The following MAML1 variants were observed in gnomAD, a reference collection of about 807,000 sequenced individuals.
The protein encoded by MAML1 is mastermind-like protein 1.
A neutral mutation model predicts 77.1 loss-of-function variants in MAML1; 14 were observed. The ratio of observed to expected loss-of-function variants is 0.18; its 90% CI spans 0.12 to 0.28. MAML1 has a LOEUF of 0.28. Ranked by LOEUF, MAML1 falls within the 10% of genes least tolerant of loss-of-function variation. The pLI, the probability that MAML1 is intolerant of heterozygous loss-of-function variation, is 1.00. For missense variants in MAML1, 1,217 were observed against 1,327.8 expected (o/e 0.92, Z 1.30); for synonymous variants, 516 against 551.9 (o/e 0.93, Z 0.91).
rs1219317360 is a variant in MAML1, at chr5:179,769,154, C to T, written c.1971+65C>T. On this transcript the variant is annotated intron_variant, in intron 3 of 4. Transcript: ENST00000292599. This position sits in a 1 kb window ranked among gnomAD's most constrained non-coding sequence, Gnocchi z 4.2. ...TTGCCTGCACCCTGCGTCACTGCTA[C>T]AGTCACACCTTCTGCTTGTGCGTGT... 18 of 1,592,352 alleles carry T rather than the reference C, an allele frequency of 1.1e-5. No homozygotes were observed. The East Asian group carries it at 4.0e-4, about 36-fold the overall frequency.
intron 1 of MAML1, among the ~76,000 whole-genome samples, chr5:179,744,913 T>C (rs1418085151): frequency 6.6e-6 from 1 of 151,962 alleles, no homozygotes; most frequent in Non-Finnish European, 1.5e-5. Flanking sequence ...TTTTTTTTTT[T>C]TTTCTTGAGA....
chr5:179,767,069 G>A (rs1232019654), intron 2 of MAML1, among the ~76,000 whole-genome samples: 4 of 138,120 alleles, frequency 2.9e-5, no homozygotes, highest in East Asian at 2.1e-4. Context: ...TAAACATTAC[G>A]TTTCACGTGC....
At position 179,775,658 on chromosome 5, in the gene MAML1, T is replaced by C. The variant is rs1297115444; in HGVS notation, c.*781T>C. 12 of 985,370 alleles carry C rather than the reference T, an allele frequency of 1.2e-5. No homozygotes were observed. The highest frequency in any genetic ancestry group is 1.4e-5 in the Non-Finnish European group (12 of 829,922). 61.0% of individuals were successfully genotyped at this position (985,370 alleles called of 1,614,324 possible). ...CCTGGCAGCAGGACCCCAGGCTACA[T>C]ATGGAAGGTAGAGATGTGGGGGTCC... is the stretch of plus-strand genomic sequence containing the variant. On this transcript the variant is annotated 3_prime_UTR_variant, in exon 5 of 5. Coordinates refer to ENST00000292599, the MANE Select transcript of MAML1 (RefSeq NM_014757.5).
At chr5:179,746,236 C>T (rs1311786930) in intron 1 of MAML1, among the ~76,000 whole-genome samples, 4 of 151,714 alleles carry the variant, frequency 2.6e-5, no homozygotes, top group East Asian at 2.0e-4. Context: ...ATCCCAGCAA[C>T]TTGGGAGGCT....
At chr5:179,750,633 GT>G (rs1370848844) in intron 1 of MAML1, among the ~76,000 whole-genome samples, 1 of 151,984 alleles carries the variant, frequency 6.6e-6, no homozygotes, top group African/African-American at 2.4e-5. Context: ...GCTAATTATT[GT>G]ATTTTTTGTA....
chr5:179,756,746 A>T (rs1041119117), intron 1 of MAML1, among the ~76,000 whole-genome samples: 1 of 152,214 alleles, frequency 6.6e-6, no homozygotes, highest in Non-Finnish European at 1.5e-5. Context: ...TATTTCTGTC[A>T]TCTAGGATAA....
At chr5:179,747,142 C>A (rs1779397744) in intron 1 of MAML1, among the ~76,000 whole-genome samples, 1 of 152,204 alleles carries the variant, frequency 6.6e-6, no homozygotes, top group Non-Finnish European at 1.5e-5. Flanking sequence ...CAGATGTGTG[C>A]CAATGCACCT....
At chr5:179,733,469 C>A in intron 1 of MAML1, 42 bp downstream of exon 1, 1 of 1,085,768 alleles carries the variant, frequency 9.2e-7, no homozygotes, top group Non-Finnish European at 1.1e-6. Context: ...GCGGCAGCCC[C>A]CTCTCCCGAA....
chr5:179,750,373 G>A (rs889672454), intron 1 of MAML1, among the ~76,000 whole-genome samples: 1 of 150,472 alleles, frequency 6.6e-6, no homozygotes, highest in Admixed American at 6.6e-5. Flanking sequence ...CTAGAATATA[G>A]GCTCTAGGAG....
At chr5:179,743,364 C>CTTTTTT (rs1187480234) in intron 1 of MAML1, among the ~76,000 whole-genome samples, 2 of 91,768 alleles carry the variant, frequency 2.2e-5, no homozygotes, top group Non-Finnish European at 4.2e-5. Context: ...CTGCCCCACG[C>CTTTTTT]TTTTTTTTTT....
rs1756151869 is a variant in MAML1, at chr5:179,777,154, CA to C, written c.*2281del. ...GGTATTGTTAACTTTTTATTGTCAT[CA>C]AAAGTTCATAAAAGTCCTATTAATC... On this transcript the variant is annotated 3_prime_UTR_variant, in exon 5 of 5. Transcript: ENST00000292599. 1.0e-6 allele frequency: 1 copy of C among 984,970 alleles called. No individual in the cohort carries two copies. The highest frequency in any genetic ancestry group is 1.2e-6 in the Non-Finnish European group (1 of 829,254). The allele number at this position is 984,970 out of a possible 1,614,324, so 61.0% of individuals were successfully genotyped here.
At chr5:179,749,877 C>T (rs1395232248) in intron 1 of MAML1, among the ~76,000 whole-genome samples, 1 of 152,208 alleles carries the variant, frequency 6.6e-6, no homozygotes, top group Non-Finnish European at 1.5e-5. Flanking sequence ...TGTATTTCCA[C>T]TGCAGGTCCA....
At chr5:179,739,347 A>G (rs779620312) in intron 1 of MAML1, among the ~76,000 whole-genome samples, 1 of 151,918 alleles carries the variant, frequency 6.6e-6, no homozygotes, top group African/African-American at 2.4e-5. Context: ...ACAAGACTCC[A>G]TCTCTCAAAT....
intron 1 of MAML1, among the ~76,000 whole-genome samples, chr5:179,761,772 A>G (rs966887031): frequency 1.3e-5 from 2 of 152,142 alleles, no homozygotes; most frequent in Non-Finnish European, 2.9e-5. Context: ...AGAGAGGGAA[A>G]GGAAGGACTG....
chr5:179,755,755 G>A (rs1779600271), intron 1 of MAML1, among the ~76,000 whole-genome samples: 2 of 138,256 alleles, frequency 1.4e-5, no homozygotes, highest in Admixed American at 7.2e-5. Flanking sequence ...TATTTTATTT[G>A]TGGCCCAAGA....
At chr5:179,763,892 G>A (rs1448242132) in intron 1 of MAML1, among the ~76,000 whole-genome samples, 1 of 149,670 alleles carries the variant, frequency 6.7e-6, no homozygotes, top group African/African-American at 2.5e-5. Context: ...GGGTTTATGG[G>A]AAGGGGGGAT....
intron 1 of MAML1, among the ~76,000 whole-genome samples, chr5:179,762,068 C>T (rs554172972): frequency 8.7e-4 from 132 of 152,290 alleles, no homozygotes; most frequent in Admixed American, 3.5e-3. Context: ...GTAAGGAGCA[C>T]TCATGAAAGA....
In MAML1 at chr5:179,740,638, T is replaced by G. The variant is rs1779264022; in HGVS notation, c.315+7211T>G. Among the ~76,000 whole-genome samples, 2 of 151,934 alleles carry G rather than the reference T, an allele frequency of 1.3e-5. 1 individual carries two copies. Among genetic ancestry groups the G allele is most frequent in the South Asian group, 4.2e-4 (2 of 4,816 alleles). ...GGAGGATGCCTGGGGTTGGTGTGGA[T>G]AGGAGTGGATGCATATAAAGCTTTT... On this transcript the variant is annotated intron_variant, in intron 1 of 4. Transcript: ENST00000292599.
intron 1 of MAML1, among the ~76,000 whole-genome samples, chr5:179,753,204 TGTGTGTGTGTGTGTGTGTGC>T (rs1414094365): frequency 1.1e-3 from 128 of 112,420 alleles, no homozygotes; most frequent in Middle Eastern, 4.5e-3. Context: ...TGTGTGTGTG[TGTGTGTGTGTGTGTGTGTGC>T]GCGCGCGCGC....
Sources: gnomAD v4.1 joint callset for allele counts (sites outside exome capture counted in the v4.1 genomes callset) on GRCh38, gnomAD v4.1.1 for gene constraint, Gnocchi (gnomAD v3.1) non-coding constraint, MANE v1.5 for transcripts, NCBI Gene and HGNC (gene_info 2026-07-23, HGNC 2026-07-21) for gene names.